The following ACVR2A variants were observed in gnomAD, a reference collection of about 807,000 sequenced individuals.
The protein encoded by ACVR2A is activin A receptor type 2A.
A neutral mutation model predicts 61.4 loss-of-function variants in ACVR2A; 7 were observed. The ratio of observed to expected loss-of-function variants is 0.11; its 90% confidence interval spans 0.06 to 0.21. ACVR2A has a LOEUF of 0.21. Ranked by LOEUF, ACVR2A falls within the 10% of genes least tolerant of loss-of-function variation. The probability of loss-of-function intolerance (pLI) is 1.00; values close to 1 mark genes in which losing one functional copy is unlikely to be tolerated. For synonymous variants in ACVR2A, 193 were observed against 208.3 expected, an observed-to-expected ratio of 0.93 and a Z score of 0.63; for missense variants, 322 against 621.7, an observed-to-expected ratio of 0.52 and a Z score of 5.13.
chr2:147,885,236 A>G (rs565441066), intron 1 of ACVR2A, among the ~76,000 whole-genome samples: 1 of 152,160 alleles, frequency 6.6e-6, no homozygotes, highest in South Asian at 2.1e-4. Flanking sequence ...TCTAAAAAAA[A>G]GTCATCTTAT....
Position 147,851,083 on chromosome 2 carries a change from C to G in ACVR2A, c.55+5876C>G, listed in dbSNP as rs1431320808. Among the ~76,000 whole-genome samples the G allele has an allele frequency of 2.0e-5, 3 of 152,236 alleles. No homozygotes were observed. The East Asian group carries it at 5.8e-4, about 29-fold the overall frequency. ...GCTAAGATTCACCAGTTCCCTATCA[C>G]TACTTCCTTTTCTTTCTAGTCCATC... On this transcript the variant is annotated intron_variant, in intron 1 of 10. Transcript: ENST00000241416.
Position 147,845,182 on chromosome 2 carries a change from C to G in ACVR2A, c.30C>G (p.Ala10=), listed in dbSNP as rs767619326. The G allele has an allele frequency of 2.5e-6, 4 of 1,613,060 alleles. No homozygotes were observed. The highest frequency in any genetic ancestry group is 1.1e-5 in the South Asian group (1 of 91,042). Residue 10 remains alanine (A), a synonymous_variant, in exon 1 of 11, where the codon GCC becomes GCG. Coordinates refer to ENST00000241416, the MANE Select transcript of ACVR2A (RefSeq NM_001616.5). MGAAAKLAF[A]VFLISCSSGA... ...GAGCTGCTGCAAAGTTGGCGTTTGC[C>G]GTCTTTCTTATCTCCTGTTCTTCAG...
chr2:147,881,650 TGTGTGTGTGTGG>T, intron 1 of ACVR2A, among the ~76,000 whole-genome samples: 1 of 147,282 alleles, frequency 6.8e-6, no homozygotes, highest in Admixed American at 7.0e-5. Flanking sequence ...TGTATGTGTG[TGTGTGTGTGTGG>T]TTTTTTTTAT....
intron 1 of ACVR2A, among the ~76,000 whole-genome samples, chr2:147,861,146 T>C (rs1296871615): frequency 5.3e-5 from 8 of 152,206 alleles, no homozygotes; most frequent in Non-Finnish European, 1.0e-4. Context: ...TAAATAAATA[T>C]TAATTGCTGA....
chr2:147,901,297 T>C (rs1053482758), intron 4 of ACVR2A, among the ~76,000 whole-genome samples: 1 of 152,004 alleles, frequency 6.6e-6, no homozygotes, highest in Non-Finnish European at 1.5e-5. Context: ...ATCTGTGATA[T>C]GCTAGGAACA....
Position 147,929,132 on chromosome 2 carries a change from C to A in ACVR2A, c.*1858C>A, listed in dbSNP as rs1303950965. The A allele has an allele frequency of 2.6e-5, 4 of 152,282 alleles. No homozygotes were observed. Among genetic ancestry groups the A allele is most frequent in the Non-Finnish European group, 4.4e-5 (3 of 67,940 alleles). 9.4% of individuals were successfully genotyped at this position (152,282 alleles called of 1,614,324 possible). On this transcript the variant is annotated 3_prime_UTR_variant, in exon 11 of 11. Transcript: ENST00000241416. ...GTAATAGCGTCTGTGTGCTGCAGAC[C>A]ATTCAGAACTGTCACGTGTGTCCCC...
intron 9 of ACVR2A, 99 bp from the exon 10 acceptor site, chr2:147,925,932 G>C: frequency 8.2e-7 from 1 of 1,226,452 alleles, no homozygotes; most frequent in South Asian, 1.5e-5. Flanking sequence ...GTAAACAGTT[G>C]GGAATAGGTG....
chr2:147,919,006 G>A (rs552569759), intron 7 of ACVR2A, among the ~76,000 whole-genome samples: 1 of 152,146 alleles, frequency 6.6e-6, no homozygotes, highest in South Asian at 2.1e-4. Context: ...AAGTCTTAAA[G>A]GGAGGCATCA....
At chr2:147,913,972 C>T (rs893716364) in intron 4 of ACVR2A, among the ~76,000 whole-genome samples, 4 of 151,586 alleles carry the variant, frequency 2.6e-5, no homozygotes, top group Non-Finnish European at 5.9e-5. Flanking sequence ...GTTTTTCCTA[C>T]ATAACACCTT....
chr2:147,870,289 T>C (rs1685979349), intron 1 of ACVR2A, among the ~76,000 whole-genome samples: 1 of 152,178 alleles, frequency 6.6e-6, no homozygotes, highest in Non-Finnish European at 1.5e-5. Flanking sequence ...TTTCCTCTCT[T>C]TAATATTCTA....
rs965005884 is a variant in ACVR2A at position 147,917,441 on chromosome 2, C to T, written c.816+15C>T. ...TTCATGAAAAGGTAAAACTACTTAA[C>T]GTTTTACTTTAGTAAAGTCTGAGTT... On this transcript the variant is annotated intron_variant, in intron 6 of 10. Transcript: ENST00000241416. The T allele has an allele frequency of 5.6e-6, 9 of 1,609,584 alleles. No homozygotes were observed. In the East Asian group the frequency reaches 6.7e-5, roughly 12 times the overall value.
intron 4 of ACVR2A, among the ~76,000 whole-genome samples, chr2:147,905,114 T>C (rs1182171163): frequency 1.3e-5 from 2 of 152,058 alleles, no homozygotes; most frequent in Non-Finnish European, 2.9e-5. Flanking sequence ...TTTTCTCCTC[T>C]TTTCCCTTTC....
intron 1 of ACVR2A, among the ~76,000 whole-genome samples, chr2:147,878,262 A>C (rs183523884): frequency 6.0e-4 from 91 of 152,240 alleles, no homozygotes; most frequent in Non-Finnish European, 1.2e-3. Context: ...TAAATTAAAT[A>C]TACTTTGGAA....
At chr2:147,873,966 G>A (rs6713811) in intron 1 of ACVR2A, among the ~76,000 whole-genome samples, 58,835 of 151,746 alleles carry the variant, frequency 0.39, 11,887 homozygotes, top group South Asian at 0.5. Context: ...GTGGATAGCA[G>A]CGTGGCATGG....
At chr2:147,921,591 A>G (rs1687383727) in intron 8 of ACVR2A, among the ~76,000 whole-genome samples, 1 of 152,136 alleles carries the variant, frequency 6.6e-6, no homozygotes, top group Non-Finnish European at 1.5e-5. Context: ...AATGGTCAGT[A>G]GCCATATAGC....
intron 1 of ACVR2A, among the ~76,000 whole-genome samples, chr2:147,848,617 T>C (rs1685375678): frequency 6.6e-6 from 1 of 152,030 alleles, no homozygotes; most frequent in Admixed American, 6.5e-5. Flanking sequence ...TGAGAAAACA[T>C]GAAAACAAAG....
At chr2:147,873,420 A>G (rs1228525276) in intron 1 of ACVR2A, among the ~76,000 whole-genome samples, 1 of 151,934 alleles carries the variant, frequency 6.6e-6, no homozygotes, top group East Asian at 1.9e-4. Flanking sequence ...AATTTTTTGA[A>G]ATCCAGTGTG....
intron 6 of ACVR2A, among the ~76,000 whole-genome samples, chr2:147,917,944 A>T (rs1687287152): frequency 6.6e-6 from 1 of 151,894 alleles, no homozygotes; most frequent in Non-Finnish European, 1.5e-5. Context: ...GTAGGAAATT[A>T]TGTTTTTGGT....
At chr2:147,847,218 A>T (rs1307669472) in intron 1 of ACVR2A, among the ~76,000 whole-genome samples, 1 of 152,178 alleles carries the variant, frequency 6.6e-6, no homozygotes, top group Non-Finnish European at 1.5e-5. Context: ...TAAGATGAAC[A>T]TTCCCAGTTG....
Sources: allele counts gnomAD v4.1 joint callset (sites outside exome capture counted in the v4.1 genomes callset), GRCh38; gene constraint gnomAD v4.1.1; transcripts MANE v1.5; gene names NCBI Gene and HGNC (gene_info 2026-07-23, HGNC 2026-07-21).